PRKG1: variants seen among roughly 807,000 people sequenced by gnomAD.
PRKG1 encodes cGMP-dependent protein kinase 1.
In PRKG1, 35 loss-of-function variants were observed where a neutral mutation model predicts 88.1. That is an observed-to-expected ratio of 0.40 (90% CI 0.30 to 0.53). The LOEUF is 0.53. Among genes scored for constraint, PRKG1 ranks in the 20% least tolerant of loss-of-function variants. The probability of loss-of-function intolerance (pLI) is 0.59; values close to 1 mark genes in which losing one functional copy is unlikely to be tolerated. For missense variants in PRKG1, 540 were observed against 839.8 expected (o/e 0.64, Z 4.41); for synonymous variants, 303 against 292.5 (o/e 1.04, Z -0.37).
Position 51,421,614 on chromosome 10 carries a change from C to G in PRKG1, c.479-46109C>G, listed in dbSNP as rs111932083. 2.7e-3 allele frequency among the ~76,000 whole-genome samples: 417 copies of G among 152,260 alleles called. 1 individual carries two copies. The highest frequency in any genetic ancestry group is 9.7e-3 in the African/African-American group (405 of 41,562). On this transcript the variant is annotated intron_variant, in intron 2 of 17. Transcript: ENST00000373980. ...TGGTAAGTAGATGAACTGAACTCGC[C>G]TTTTTGTTATCTATCCTCCATGTCT...
intron 2 of PRKG1, among the ~76,000 whole-genome samples, chr10:51,394,203 TTGATGA>T (rs1177526265): frequency 6.6e-6 from 1 of 152,006 alleles, no homozygotes; most frequent in Non-Finnish European, 1.5e-5. Flanking sequence ...CTAGGGTGAG[TTGATGA>T]TTAAAGACTG....
chr10:52,250,020 T>C (rs545895392), intron 9 of PRKG1, among the ~76,000 whole-genome samples: 13 of 152,298 alleles, frequency 8.5e-5, no homozygotes, highest in African/African-American at 2.9e-4. Context: ...AGATGTCTTT[T>C]TTCAGCACCT....
chr10:51,615,701 A>G (rs891292574), intron 3 of PRKG1, among the ~76,000 whole-genome samples: 19 of 148,254 alleles, frequency 1.3e-4, no homozygotes, highest in African/African-American at 4.5e-4. Context: ...CAAAGTTCTT[A>G]TTCATATCCT....
chr10:51,203,154 A>G (rs926658221), intron 2 of PRKG1, among the ~76,000 whole-genome samples: 1 of 152,148 alleles, frequency 6.6e-6, no homozygotes, highest in African/African-American at 2.4e-5. Flanking sequence ...ATGGTCACTT[A>G]TTAATGCCTT....
chr10:51,532,970 G>C (rs1268380309), intron 3 of PRKG1, among the ~76,000 whole-genome samples: 1 of 151,956 alleles, frequency 6.6e-6, no homozygotes, highest in Non-Finnish European at 1.5e-5. Context: ...TATTAGCAAT[G>C]ACCTAATGTA....
intron 5 of PRKG1, among the ~76,000 whole-genome samples, chr10:51,914,836 C>T (rs780270560): frequency 3.3e-5 from 5 of 151,794 alleles, no homozygotes; most frequent in Non-Finnish European, 5.9e-5. Context: ...TCTATGGCAC[C>T]GATAAGGTCT....
chr10:51,153,597 A>G (rs1019606911), intron 2 of PRKG1, among the ~76,000 whole-genome samples: 1 of 152,046 alleles, frequency 6.6e-6, no homozygotes, highest in Non-Finnish European at 1.5e-5. Flanking sequence ...AGTTTATTAC[A>G]CTGAATATTC....
chr10:51,428,879 C>A, intron 2 of PRKG1, among the ~76,000 whole-genome samples: 1 of 152,126 alleles, frequency 6.6e-6, no homozygotes, highest in Admixed American at 6.6e-5. Flanking sequence ...AGTAGATTCA[C>A]CAAAAATTAA....
chr10:51,994,310 A>C (rs1294038774), intron 5 of PRKG1, among the ~76,000 whole-genome samples: 1 of 152,138 alleles, frequency 6.6e-6, no homozygotes, highest in Non-Finnish European at 1.5e-5. Context: ...ACCTCAGATA[A>C]AACTACATTG....
intron 3 of PRKG1, among the ~76,000 whole-genome samples, chr10:51,563,218 A>C (rs1837515757): frequency 6.6e-6 from 1 of 152,184 alleles, no homozygotes; most frequent in Admixed American, 6.5e-5. Flanking sequence ...AGATAGGAAG[A>C]ATGAGTTCTA....
intron 2 of PRKG1, among the ~76,000 whole-genome samples, chr10:51,462,480 A>T (rs1303980058): frequency 1.3e-5 from 2 of 152,174 alleles, no homozygotes; most frequent in Non-Finnish European, 2.9e-5. Flanking sequence ...TAAAAGATAA[A>T]CACAGAAGTA....
intron 3 of PRKG1, among the ~76,000 whole-genome samples, chr10:51,477,506 G>A (rs749076170): frequency 1.1e-4 from 17 of 151,820 alleles, no homozygotes; most frequent in Non-Finnish European, 2.2e-4. Context: ...CTAGCTGTGT[G>A]TCCCTGGGAA....
At chr10:52,081,234 G>C (rs1333695720) in intron 7 of PRKG1, among the ~76,000 whole-genome samples, 1 of 152,150 alleles carries the variant, frequency 6.6e-6, no homozygotes, top group Non-Finnish European at 1.5e-5. Flanking sequence ...TGGGGATCAG[G>C]CAAAGACACG....
intron 3 of PRKG1, among the ~76,000 whole-genome samples, chr10:51,644,421 C>A (rs1298961775): frequency 6.6e-6 from 1 of 152,084 alleles, no homozygotes; most frequent in East Asian, 1.9e-4. Flanking sequence ...TGTTCAAATT[C>A]TTGATTTATT....
At chr10:51,072,190 C>T (rs557575166), upstream of PRKG1, among the ~76,000 whole-genome samples, 7 of 146,958 alleles carry the variant, frequency 4.8e-5, no homozygotes, top group South Asian at 8.9e-4. Flanking sequence ...AGCAAAACTC[C>T]GTCTCAAAAA....
intron 9 of PRKG1, among the ~76,000 whole-genome samples, chr10:52,180,562 G>C (rs1838990872): frequency 6.6e-6 from 1 of 152,136 alleles, no homozygotes; most frequent in East Asian, 1.9e-4. Flanking sequence ...TGGGTCTTAG[G>C]ATGTTGGTTT....
At chr10:51,605,177 C>T (rs1215424483) in intron 3 of PRKG1, among the ~76,000 whole-genome samples, 1 of 152,194 alleles carries the variant, frequency 6.6e-6, no homozygotes, top group African/African-American at 2.4e-5. Context: ...CTCCTCTGCT[C>T]CTCTCAACAT....
At chr10:51,149,667 A>C (rs1334740987) in intron 1 of PRKG1, among the ~76,000 whole-genome samples, 2 of 152,176 alleles carry the variant, frequency 1.3e-5, no homozygotes, top group Non-Finnish European at 2.9e-5. Context: ...ATTAAGTTAC[A>C]CTAAATTCTT....
At chr10:51,179,304 T>C (rs1399635113) in intron 2 of PRKG1, among the ~76,000 whole-genome samples, 1 of 152,236 alleles carries the variant, frequency 6.6e-6, no homozygotes, top group Non-Finnish European at 1.5e-5. Flanking sequence ...ATGTTTTGCT[T>C]TCTTAAAAAG....
Sources: gnomAD v4.1 joint callset for allele counts (sites outside exome capture counted in the v4.1 genomes callset) on GRCh38, gnomAD v4.1.1 for gene constraint, MANE v1.5 for transcripts, NCBI Gene and HGNC (gene_info 2026-07-23, HGNC 2026-07-21) for gene names.